EPB41L2: variants seen among roughly 807,000 people sequenced by gnomAD.
EPB41L2 encodes the protein band 4.1-like protein 2.
In EPB41L2, 43 loss-of-function variants were observed where a neutral mutation model predicts 113.0. That is an observed-to-expected ratio of 0.38 (90% CI 0.30 to 0.49). EPB41L2 has a LOEUF of 0.49. EPB41L2 is among the 20% of genes least tolerant of loss of function. The pLI is 0.95. For synonymous variants in EPB41L2, 442 were observed against 436.7 expected, an observed-to-expected ratio of 1.01 and a Z score of -0.15; for missense variants, 1,147 against 1,223.4, an observed-to-expected ratio of 0.94 and a Z score of 0.93.
At chr6:131,009,735 A>G (rs77712601) in intron 1 of EPB41L2, among the ~76,000 whole-genome samples, 7,008 of 152,120 alleles carry the variant, frequency 0.046, 260 homozygotes, top group African/African-American at 0.1. Context: ...AGTAATATTA[A>G]TAAGTTGAAG....
chr6:130,998,171 A>G (rs1239910393), intron 1 of EPB41L2, among the ~76,000 whole-genome samples: 4 of 152,234 alleles, frequency 2.6e-5, no homozygotes, highest in African/African-American at 9.6e-5. Context: ...ATAGCTCAGC[A>G]TCAGACAGAT....
intron 19 of EPB41L2, among the ~76,000 whole-genome samples, chr6:130,841,975 G>A (rs963054206): frequency 5.3e-5 from 8 of 152,168 alleles, no homozygotes; most frequent in Non-Finnish European, 1.0e-4. Context: ...GGTGGCAATT[G>A]TTTCATTTTA....
rs1816339791 is a variant in EPB41L2, at chr6:130,954,036, CTTTCT to C, written c.705+1064_705+1068del. 2.0e-4 allele frequency among the ~76,000 whole-genome samples: 9 copies of C among 45,526 alleles called. 1 individual carries two copies. The highest frequency in any genetic ancestry group is 4.7e-4 in the African/African-American group (8 of 17,182). 29.9% of individuals were successfully genotyped at this position (45,526 alleles called of 152,430 possible). A position where few individuals can be genotyped will look rare whatever the true frequency, so the allele number is the denominator to read the frequency against. On this transcript the variant is annotated intron_variant, in intron 3 of 19. Coordinates refer to ENST00000337057, the MANE Select transcript of EPB41L2 (RefSeq NM_001431.4). The stretch of plus-strand genomic sequence containing the variant: ...TTAATCCTCTTTTGCTAGTCCTTTT[CTTTCT>C]TTTTTTTTTTTTTTTTTTTTTTTTT...
At chr6:131,011,741 C>T (rs997842065) in intron 1 of EPB41L2, among the ~76,000 whole-genome samples, 4 of 152,288 alleles carry the variant, frequency 2.6e-5, no homozygotes, top group African/African-American at 4.8e-5. Flanking sequence ...AATAGGCAGT[C>T]GACTACCGTG....
intron 19 of EPB41L2, among the ~76,000 whole-genome samples, chr6:130,849,894 CTA>C (rs1407031851): frequency 2.0e-5 from 3 of 152,022 alleles, no homozygotes; most frequent in Non-Finnish European, 4.4e-5. Context: ...TAGTGGCGGT[CTA>C]TGTTTGCAGA....
intron 1 of EPB41L2, among the ~76,000 whole-genome samples, chr6:131,062,925 G>A (rs1799003625): frequency 6.6e-6 from 1 of 152,082 alleles, no homozygotes; most frequent in South Asian, 2.1e-4. Flanking sequence ...GCAAGAATCG[G>A]GTCGGGCAGA....
chr6:130,915,828 G>A (rs1800864666), intron 4 of EPB41L2, among the ~76,000 whole-genome samples: 1 of 151,642 alleles, frequency 6.6e-6, no homozygotes, highest in African/African-American at 2.4e-5. Context: ...CTCTCTCTCT[G>A]CCTGCCACCA....
chr6:130,891,920 C>A (rs1793014147), intron 10 of EPB41L2, among the ~76,000 whole-genome samples: 1 of 152,146 alleles, frequency 6.6e-6, no homozygotes. Context: ...TTCCACTGAC[C>A]TGATTCAAAG....
intron 19 of EPB41L2, among the ~76,000 whole-genome samples, chr6:130,850,788 G>A (rs1055919351): frequency 6.6e-6 from 1 of 152,210 alleles, no homozygotes; most frequent in African/African-American, 2.4e-5. Flanking sequence ...CTTGGGGAAT[G>A]AGTGACTACT....
chr6:130,971,193 G>A (rs889273552), intron 1 of EPB41L2, among the ~76,000 whole-genome samples: 19 of 152,080 alleles, frequency 1.2e-4, no homozygotes, highest in Admixed American at 6.5e-4. Context: ...CACCGCGTCC[G>A]GCCACCCTGT....
chr6:130,843,494 G>T (rs1408353778), intron 19 of EPB41L2, among the ~76,000 whole-genome samples: 4 of 152,104 alleles, frequency 2.6e-5, no homozygotes, highest in African/African-American at 9.7e-5. Flanking sequence ...ATACAAATTG[G>T]CAGGCATTAA....
chr6:130,927,706 C>T (rs1183841149), intron 3 of EPB41L2, among the ~76,000 whole-genome samples: 1 of 152,126 alleles, frequency 6.6e-6, no homozygotes, highest in African/African-American at 2.4e-5. Context: ...ATTATTAAGC[C>T]TCTTATGGTA....
In EPB41L2 at chr6:130,944,124, AATG is replaced by A. The variant is rs550216108; in HGVS notation, c.705+10978_705+10980del. 3.4e-3 allele frequency among the ~76,000 whole-genome samples: 500 copies of A among 148,642 alleles called. 1 individual carries two copies. The highest frequency in any genetic ancestry group is 0.012 in the African/African-American group (485 of 40,898). On this transcript the variant is annotated intron_variant, in intron 3 of 19. Transcript: ENST00000337057. ...CAGGGCAATAATGGACAGCAGTCGC[AATG>A]ATGAGGGTGGGTGGATTATATATAT...
chr6:130,869,434 C>T (rs1784919795), intron 15 of EPB41L2, 129 bp downstream of exon 15: 4 of 885,984 alleles, frequency 4.5e-6, no homozygotes, highest in Non-Finnish European at 6.9e-6. Context: ...CCCTTCCTCC[C>T]ATGAGAGAGA....
In EPB41L2 at chr6:130,897,570, A is replaced by G. The variant is rs193071731; in HGVS notation, c.1236+1921T>C. ...AGAATTGGTTTCTAACTAACAATCA[A>G]CAAAGTAGAGATGCAAGATTTGCAT... On this transcript the variant is annotated intron_variant, in intron 8 of 19. Transcript: ENST00000337057. Among the ~76,000 whole-genome samples the G allele has an allele frequency of 2.3e-3, 351 of 152,358 alleles. 2 individuals are homozygous for G. Among genetic ancestry groups the G allele is most frequent in the Admixed American group, 3.1e-3 (47 of 15,308 alleles).
chr6:130,975,923 G>A (rs1444750730), intron 1 of EPB41L2, among the ~76,000 whole-genome samples: 1 of 152,198 alleles, frequency 6.6e-6, no homozygotes, highest in East Asian at 1.9e-4. Context: ...AGCTAGTCGG[G>A]AGGCTGAGGC....
chr6:131,003,783 T>C (rs941321005), intron 1 of EPB41L2, among the ~76,000 whole-genome samples: 1 of 152,248 alleles, frequency 6.6e-6, no homozygotes, highest in African/African-American at 2.4e-5. Flanking sequence ...CATTTTCTTT[T>C]TCCTTTTTTC....
chr6:130,915,729 T>C (rs1002288941), intron 4 of EPB41L2, among the ~76,000 whole-genome samples: 2 of 152,188 alleles, frequency 1.3e-5, no homozygotes, highest in African/African-American at 2.4e-5. Context: ...GAGTGAATCA[T>C]GGGGGCAGAT....
intron 1 of EPB41L2, among the ~76,000 whole-genome samples, chr6:131,025,968 T>TA (rs1790775923): frequency 1.3e-5 from 2 of 151,906 alleles, no homozygotes; most frequent in East Asian, 1.9e-4. Flanking sequence ...CAAAGTCACC[T>TA]AAAAAAAATA....
Sources: allele counts gnomAD v4.1 joint callset (sites outside exome capture counted in the v4.1 genomes callset), GRCh38; gene constraint gnomAD v4.1.1; transcripts MANE v1.5; gene names NCBI Gene and HGNC (gene_info 2026-07-23, HGNC 2026-07-21).